Variants in DAZAP2 observed in about 807,000 individuals in gnomAD.
The protein encoded by DAZAP2 is DAZ associated protein 2, also known as DAZ-associated protein 2.
In DAZAP2, 3 loss-of-function variants were observed where a neutral mutation model predicts 16.2. That is an observed-to-expected ratio of 0.19 (90% CI 0.08 to 0.48). The LOEUF is 0.48. Among genes scored for constraint, DAZAP2 ranks in the 20% least tolerant of loss-of-function variants. DAZAP2 has a pLI of 0.98. For synonymous variants in DAZAP2, 69 were observed against 77.6 expected (o/e 0.89, Z 0.58); for missense variants, 172 against 215.9 (o/e 0.80, Z 1.27).
chr12:51,241,237 C>T (rs1432106143), intron 3 of DAZAP2, 121 bp downstream of exon 3: 3 of 1,446,514 alleles, frequency 2.1e-6, no homozygotes, highest in Admixed American at 2.0e-5. Flanking sequence ...CAACTACTGA[C>T]ATCCAATACT....
At position 51,239,478 on chromosome 12, in the gene DAZAP2, G is replaced by GAAAAAAAAA. The variant is rs34206662; in HGVS notation, c.13+568_13+576dup. On this transcript the variant is annotated intron_variant, in intron 1 of 3. Transcript: ENST00000412716. ...AGGTTGAGGGGGTAAAAAAGGAATA[G>GAAAAAAAAA]AAAAAAAAAAAAAAAAAAGGCCGAG... 2.1e-5 allele frequency: 2 copies of GAAAAAAAAA among 93,684 alleles called. 1 individual carries two copies. Among genetic ancestry groups the GAAAAAAAAA allele is most frequent in the Non-Finnish European group, 4.1e-5 (2 of 49,248 alleles). 5.8% of individuals were successfully genotyped at this position (93,684 alleles called of 1,614,324 possible).
At chr12:51,238,956 G>C (rs1476618583) in intron 1 of DAZAP2, 36 bp downstream of exon 1, 5 of 1,612,348 alleles carry the variant, frequency 3.1e-6, no homozygotes, top group Non-Finnish European at 4.2e-6. Flanking sequence ...GTCGGGGGGA[G>C]TACTGCTGGC....
downstream of DAZAP2, chr12:51,246,610 GT>G (rs1459832596): frequency 3.7e-5 from 18 of 490,112 alleles, no homozygotes; most frequent in Admixed American, 6.7e-4. Context: ...ATGGCTGTGT[GT>G]GTGTGTGTGT....
chr12:51,239,163 TG>T (rs569722141), intron 1 of DAZAP2: 36 of 525,440 alleles, frequency 6.9e-5, no homozygotes, highest in African/African-American at 2.2e-4. Context: ...GCTCGGGTGG[TG>T]GGGGGGCTTG....
chr12:51,240,273 C>G, intron 1 of DAZAP2, 70 bp from the exon 2 acceptor site: 2 of 1,250,926 alleles, frequency 1.6e-6, no homozygotes, highest in East Asian at 4.6e-5. Flanking sequence ...AAGTTAGCTA[C>G]CCGATATGAC....
downstream of DAZAP2, chr12:51,245,343 G>T (rs973859282): frequency 2.0e-5 from 3 of 152,638 alleles, no homozygotes; most frequent in African/African-American, 7.2e-5. Flanking sequence ...TTGCACATGA[G>T]AATCTGATTT....
At chr12:51,246,711 G>A, downstream of DAZAP2, 1 of 1,466,130 alleles carries the variant, frequency 6.8e-7, no homozygotes, top group Admixed American at 2.6e-5. Flanking sequence ...AGATGCCCTT[G>A]ATCCAGAAGG....
Position 51,239,052 on chromosome 12 carries a change from A to G in DAZAP2, c.13+132A>G. The stretch of plus-strand genomic sequence containing the variant: ...CATGCTCCTTGGCCGGCTGCAGTCC[A>G]GGGCGCTGCGCCTGACGCCTTCGTC... On this transcript the variant is annotated intron_variant, in intron 1 of 3. Coordinates refer to ENST00000412716, the MANE Select transcript of DAZAP2 (RefSeq NM_014764.4). 3.7e-6 allele frequency: 5 copies of G among 1,338,332 alleles called. 1 individual carries two copies. In the South Asian group the frequency reaches 5.6e-5, roughly 15 times the overall value. The allele number at this position is 1,338,332 out of a possible 1,614,324, so 82.9% of individuals were successfully genotyped here. A position where few individuals can be genotyped will look rare whatever the true frequency, so the allele number is the denominator to read the frequency against.
downstream of DAZAP2, chr12:51,245,860 T>C (rs902244434): frequency 4.7e-6 from 7 of 1,487,416 alleles, no homozygotes; most frequent in African/African-American, 9.8e-5. Flanking sequence ...TCTCCCTGGC[T>C]TCAGAGAAAA....
chr12:51,240,597 G>A (rs1944658364), intron 2 of DAZAP2, 136 bp downstream of exon 2: 8 of 970,624 alleles, frequency 8.2e-6, no homozygotes, highest in Non-Finnish European at 1.2e-5. Flanking sequence ...ATATAATTTG[G>A]CAATTTTTGT....
chr12:51,239,462 G>A (rs1944623179), intron 1 of DAZAP2: 1 of 148,848 alleles, frequency 6.7e-6, no homozygotes, highest in South Asian at 2.0e-4. Flanking sequence ...TAGGTTGAGG[G>A]GGTAAAAAAG....
downstream of DAZAP2, chr12:51,246,571 T>C (rs977960670): frequency 6.2e-6 from 3 of 486,832 alleles, no homozygotes; most frequent in African/African-American, 5.9e-5. Flanking sequence ...TTACTGGTAG[T>C]GCCTCTGACA....
At position 51,242,729 on chromosome 12, in the gene DAZAP2, T is replaced by C. The variant is rs775859943; in HGVS notation, c.*271T>C. On this transcript the variant is annotated 3_prime_UTR_variant, in exon 4 of 4. Coordinates refer to ENST00000412716, the MANE Select transcript of DAZAP2 (RefSeq NM_014764.4). ...CCGCCCTAAGGATTTTCCTTTAATT[T>C]CTCTGGAGTAATACTGTACCATACT... 23 of 1,466,086 alleles carry C rather than the reference T, an allele frequency of 1.6e-5. No individual in the cohort carries two copies. Among genetic ancestry groups the C allele is most frequent in the Non-Finnish European group, 2.1e-5 (23 of 1,113,186 alleles). The allele number at this position is 1,466,086 out of a possible 1,614,324, so 90.8% of individuals were successfully genotyped here.
Sources: gnomAD v4.1 joint callset for allele counts on GRCh38, gnomAD v4.1.1 for gene constraint, MANE v1.5 for transcripts, NCBI Gene and HGNC (gene_info 2026-07-23, HGNC 2026-07-21) for gene names.